The following MEGF6 variants were observed in gnomAD, a reference collection of about 807,000 sequenced individuals.
The protein encoded by MEGF6 is multiple epidermal growth factor-like domains protein 6.
A neutral mutation model predicts 207.1 loss-of-function variants in MEGF6; 184 were observed. The observed-to-expected ratio is 0.89, with a 90% CI of 0.79 to 1.00. The LOEUF is 1.00. Among genes scored for constraint, MEGF6 ranks in the 50% least tolerant of loss-of-function variants. The pLI, the probability that MEGF6 is intolerant of heterozygous loss-of-function variation, is 0.00. For missense variants in MEGF6, 2,282 were observed against 2,202.9 expected (o/e 1.04, Z -0.72); for synonymous variants, 1,038 against 910.0 (o/e 1.14, Z -2.53).
At position 3,501,851 on chromosome 1, in the gene MEGF6, C is replaced by T. The variant is rs1406437720; in HGVS notation, c.2259G>A (p.Gly753=). ...SCSCGGAPCH[G]VTGQCRCPPG... is the part of the protein sequence containing the mutation. ...GCGGACACCGGCACTGCCCCGTGACCCCGTGGCAGGGGGCCCCCCCACAGG... is the reference window on the plus strand; with the variant it reads ...GCGGACACCGGCACTGCCCCGTGACTCCGTGGCAGGGGGCCCCCCCACAGG... The change falls in exon 18 of 37, where the codon GGG becomes GGA. Residue 753 remains glycine (G), a synonymous_variant. Coordinates refer to ENST00000356575, the MANE Select transcript of MEGF6 (RefSeq NM_001409.4). The T allele has an allele frequency of 1.2e-6, 2 of 1,608,018 alleles. No individual in the cohort carries two copies. Among genetic ancestry groups the T allele is most frequent in the African/African-American group, 2.7e-5 (2 of 74,508 alleles).
At chr1:3,602,631 C>A in intron 1 of MEGF6, 31 bp from the exon 2 acceptor site, 2 of 1,579,750 alleles carry the variant, frequency 1.3e-6, no homozygotes, top group Non-Finnish European at 1.7e-6. Flanking sequence ...GTCAGCGCCT[C>A]GGCCACCCCC....
Position 3,602,615 on chromosome 1 carries a change from C to G in MEGF6, c.132-15G>C, listed in dbSNP as rs2794330. 1.6e-5 allele frequency: 25 copies of G among 1,596,922 alleles called. No individual in the cohort carries two copies. Among genetic ancestry groups the G allele is most frequent in the Non-Finnish European group, 2.1e-5 (25 of 1,169,726 alleles). ...ACACGTGGGGCCTGGAACAGAGACACGGAGAGTCAGCGCCTCGGCCACCCC... is the reference window on the plus strand; with the variant it reads ...ACACGTGGGGCCTGGAACAGAGACAGGGAGAGTCAGCGCCTCGGCCACCCC... On this transcript the variant is annotated splice_polypyrimidine_tract_variant and intron_variant, in intron 1 of 36. Coordinates refer to ENST00000356575, the MANE Select transcript of MEGF6 (RefSeq NM_001409.4).
At chr1:3,547,017 A>C in intron 4 of MEGF6, 2 of 159,202 alleles carry the variant, frequency 1.3e-5, no homozygotes, top group Non-Finnish European at 1.4e-5. Flanking sequence ...TCTCGCCATC[A>C]CCCTGCAGCT....
rs1342703415 is a variant in MEGF6 at position 3,573,422 on chromosome 1, GA to G, written c.481+6402del. On this transcript the variant is annotated intron_variant, in intron 4 of 36. Transcript: ENST00000356575. This position sits in a 1 kb window ranked among gnomAD's most constrained non-coding sequence, Gnocchi z 5.1. Reference sequence around the variant, plus strand: ...TGGCTGCACCCAAAGGTAAGCACGGGAAACAGTGCGGGGAGCCTGGAACTAC... The same window carrying G: ...TGGCTGCACCCAAAGGTAAGCACGGGAACAGTGCGGGGAGCCTGGAACTAC... Among the ~76,000 whole-genome samples the G allele has an allele frequency of 6.6e-6, 1 of 152,240 alleles. No individual in the cohort carries two copies. The highest frequency in any genetic ancestry group is 1.5e-5 in the Non-Finnish European group (1 of 68,038).
chr1:3,516,897 C>T (rs1032260452), intron 5 of MEGF6, among the ~76,000 whole-genome samples: 6 of 152,184 alleles, frequency 3.9e-5, no homozygotes, highest in Admixed American at 2.6e-4. Context: ...CTGGCACGTG[C>T]AGGCTGTGGG....
Position 3,578,861 on chromosome 1 carries a change from A to G in MEGF6, c.481+964T>C. Among the ~76,000 whole-genome samples the G allele has an allele frequency of 1.3e-5, 2 of 151,872 alleles. 1 individual carries two copies. The highest frequency in any genetic ancestry group is 1.3e-4 in the Admixed American group (2 of 15,266). On this transcript the variant is annotated intron_variant, in intron 4 of 36. Transcript: ENST00000356575. ...TCACCCAGCTCAGAACGCTGGGGAGACCCAGCACCTCTGCAGAACCCCTCC... is the reference window on the plus strand; with the variant it reads ...TCACCCAGCTCAGAACGCTGGGGAGGCCCAGCACCTCTGCAGAACCCCTCC...
Position 3,510,905 on chromosome 1 carries a change from G to A in MEGF6, c.1115-3C>T, listed in dbSNP as rs764786820. 6.9e-6 allele frequency: 11 copies of A among 1,598,852 alleles called. No homozygotes were observed. The highest frequency in any genetic ancestry group is 9.4e-6 in the Non-Finnish European group (11 of 1,168,754). ...GCTGTCTGCACAGTCGTCGACATCT[G>A]TGGAGCACACGCCACGGGCCCCCTG... On this transcript the variant is annotated splice_region_variant and splice_polypyrimidine_tract_variant and intron_variant, in intron 9 of 36. Coordinates refer to ENST00000356575, the MANE Select transcript of MEGF6 (RefSeq NM_001409.4).
In MEGF6 at chr1:3,566,808, C is replaced by T. The variant is rs74686086; in HGVS notation, c.481+13017G>A. Among the ~76,000 whole-genome samples the T allele has an allele frequency of 0.012, 1,798 of 152,306 alleles. 99 individuals are homozygous for T. In the East Asian group the frequency reaches 0.17, roughly 14 times the overall value. On this transcript the variant is annotated intron_variant, in intron 4 of 36. Coordinates refer to ENST00000356575, the MANE Select transcript of MEGF6 (RefSeq NM_001409.4). The stretch of plus-strand genomic sequence containing the variant: ...ACCTGGGCTGGCTGGGTCCTCGGTG[C>T]TACAAAGCGATGGCCCCCAGAGCTC...
intron 4 of MEGF6, among the ~76,000 whole-genome samples, chr1:3,577,964 G>A (rs893298068): frequency 3.9e-5 from 6 of 152,198 alleles, no homozygotes; most frequent in African/African-American, 9.7e-5. Context: ...TGTGCCTGCC[G>A]ATGCCCCGGG....
chr1:3,496,136 C>T, intron 29 of MEGF6, 118 bp from the exon 30 acceptor site: 3 of 1,382,118 alleles, frequency 2.2e-6, no homozygotes, highest in Non-Finnish European at 1.9e-6. Flanking sequence ...CTGCCCCAGA[C>T]AGGGTGGGGC....
intron 4 of MEGF6, among the ~76,000 whole-genome samples, chr1:3,575,034 A>T (rs1643602981): frequency 6.6e-6 from 1 of 152,258 alleles, no homozygotes. Context: ...GTCAGCTGAG[A>T]CCAGATCAAG....
intron 4 of MEGF6, 128 bp from the exon 5 acceptor site, chr1:3,524,374 C>T: frequency 4.1e-6 from 5 of 1,210,188 alleles, no homozygotes. Flanking sequence ...ACCCATGAGC[C>T]CCTCACCCAC....
At chr1:3,491,411 G>A (rs1640359090) in intron 35 of MEGF6, among the ~76,000 whole-genome samples, 1 of 152,056 alleles carries the variant, frequency 6.6e-6, no homozygotes, top group South Asian at 2.1e-4. Context: ...GCCGCTGCCG[G>A]GCAGCCTTTT....
At chr1:3,586,043 G>C (rs934668390) in intron 3 of MEGF6, among the ~76,000 whole-genome samples, 5 of 148,810 alleles carry the variant, frequency 3.4e-5, no homozygotes, top group Non-Finnish European at 5.9e-5. Flanking sequence ...CGCATGTCCT[G>C]CGTGTGGGTG....
intron 35 of MEGF6, among the ~76,000 whole-genome samples, chr1:3,492,021 C>G (rs1322542829): frequency 6.6e-6 from 1 of 152,072 alleles, no homozygotes; most frequent in Non-Finnish European, 1.5e-5. Context: ...CACTGATGCA[C>G]ACGTAACACA....
At chr1:3,567,433 C>T (rs1643374630) in intron 4 of MEGF6, among the ~76,000 whole-genome samples, 1 of 152,248 alleles carries the variant, frequency 6.6e-6, no homozygotes, top group African/African-American at 2.4e-5. Flanking sequence ...CTGGCACTGC[C>T]AGAGGTCAGG....
chr1:3,491,589 G>T (rs1469958153), intron 35 of MEGF6, among the ~76,000 whole-genome samples: 1 of 151,996 alleles, frequency 6.6e-6, no homozygotes, highest in East Asian at 1.9e-4. Flanking sequence ...AGACTATTTG[G>T]GGGCCTCCAA....
intron 15 of MEGF6, 84 bp from the exon 16 acceptor site, chr1:3,505,640 G>A: frequency 4.1e-6 from 6 of 1,447,610 alleles, no homozygotes; most frequent in East Asian, 2.5e-5. Flanking sequence ...GGTCAGCCAG[G>A]ACGACAGCCA....
At chr1:3,553,960 G>A (rs1642962273) in intron 4 of MEGF6, among the ~76,000 whole-genome samples, 1 of 152,192 alleles carries the variant, frequency 6.6e-6, no homozygotes, top group Admixed American at 6.5e-5. Context: ...TCCTCCCCAG[G>A]AATGTTCTGC....
Sources: allele counts gnomAD v4.1 joint callset (sites outside exome capture counted in the v4.1 genomes callset), GRCh38; gene constraint gnomAD v4.1.1; non-coding constraint Gnocchi (gnomAD v3.1); transcripts MANE v1.5; gene names NCBI Gene and HGNC (gene_info 2026-07-23, HGNC 2026-07-21).